Variants in CTSH observed in about 807,000 individuals in gnomAD.
CTSH encodes the protein pro-cathepsin H.
CTSH carries 52 observed loss-of-function variants against 56.3 expected under a neutral mutation model. The observed-to-expected ratio is 0.92, with a 90% CI of 0.74 to 1.16. The LOEUF (loss-of-function observed/expected upper bound fraction) is 1.16, where lower values mean the gene tolerates loss of function less well. Among genes scored for constraint, CTSH ranks in the 50% most tolerant of loss-of-function variants. CTSH has a pLI of 0.00. For synonymous variants in CTSH, 174 were observed against 155.7 expected, an observed-to-expected ratio of 1.12 and a Z score of -0.88; for missense variants, 406 against 424.5, an observed-to-expected ratio of 0.96 and a Z score of 0.38.
At chr15:78,943,216 A>G (rs989891054) in intron 1 of CTSH, among the ~76,000 whole-genome samples, 3 of 151,978 alleles carry the variant, frequency 2.0e-5, no homozygotes, top group Non-Finnish European at 4.4e-5. Context: ...CCTTGCCTGG[A>G]TTTACAGCAG....
intron 8 of CTSH, among the ~76,000 whole-genome samples, chr15:78,928,003 G>T (rs8039683): frequency 6.6e-6 from 1 of 152,276 alleles, no homozygotes; most frequent in South Asian, 2.1e-4. Flanking sequence ...CATGGTGTGT[G>T]GTGGGAGCCT....
In CTSH at chr15:78,943,854, A is replaced by T. The variant is rs73472318; in HGVS notation, c.91+1037T>A. On this transcript the variant is annotated intron_variant, in intron 1 of 11. Transcript: ENST00000220166. The stretch of plus-strand genomic sequence containing the variant: ...CTCTCAGCGCCAGCCTTCTCCAGGC[A>T]GCCCTCGCTTGCGGCAGCTAGGTTT... Among the ~76,000 whole-genome samples, 386 of 152,370 alleles carry T rather than the reference A, an allele frequency of 2.5e-3. 3 individuals carry two copies. Among genetic ancestry groups the T allele is most frequent in the African/African-American group, 9.0e-3 (374 of 41,588 alleles).
At chr15:78,931,545 A>G in intron 6 of CTSH, 39 bp from the exon 7 acceptor site, 1 of 1,614,062 alleles carries the variant, frequency 6.2e-7, no homozygotes, top group Non-Finnish European at 8.5e-7. Flanking sequence ...GCCAGCTGAG[A>G]AGCCGTCAAG....
Position 78,923,068 on chromosome 15 carries a change from A to G in CTSH, c.857T>C (p.Val286Ala). Reference protein sequence around the residue: ...PDKVNHAVLAVGYGEKNGIPY... With the variant: ...PDKVNHAVLAAGYGEKNGIPY... ...GATCCCATTTTTTTCTCCATACCCA[A>G]CAGCCAGTACTGCATGGTTTACTTT... Residue 286 changes from valine (V) to alanine (A), a missense_variant, in exon 11 of 12, where the codon GTT becomes GCT. Coordinates refer to ENST00000220166, the MANE Select transcript of CTSH (RefSeq NM_004390.5). The G allele has an allele frequency of 1.2e-6, 2 of 1,612,970 alleles. No individual in the cohort carries two copies. The highest frequency in any genetic ancestry group is 1.1e-5 in the South Asian group (1 of 90,912).
Position 78,936,625 on chromosome 15 carries a change from G to A in CTSH, c.229+693C>T, listed in dbSNP as rs560341568. On this transcript the variant is annotated intron_variant, in intron 3 of 11. Transcript: ENST00000220166. ...TCCTCAGAAAATACGCTGGACGTGCGTGTGAGTTTCTTTTTTTTTTTGAGA... is the reference window on the plus strand; with the variant it reads ...TCCTCAGAAAATACGCTGGACGTGCATGTGAGTTTCTTTTTTTTTTTGAGA... 6.6e-5 allele frequency among the ~76,000 whole-genome samples: 10 copies of A among 150,914 alleles called. No homozygotes were observed. The South Asian group carries it at 1.0e-3, about 16-fold the overall frequency.
chr15:78,929,246 T>C (rs1365761818), intron 8 of CTSH, among the ~76,000 whole-genome samples, 166 bp downstream of exon 8: 2 of 150,368 alleles, frequency 1.3e-5, no homozygotes, highest in Non-Finnish European at 3.0e-5. Flanking sequence ...AGCAGTGGGC[T>C]CAGGTGGGTG....
In CTSH at chr15:78,937,439, C is replaced by A; in HGVS notation, c.124-16G>T. ...TCTTACGGTGCTAAAACAAAACACG[C>A]CAGTAGCAAGTCATGGAAACAGGCT... On this transcript the variant is annotated splice_polypyrimidine_tract_variant and intron_variant, in intron 2 of 11. Coordinates refer to ENST00000220166, the MANE Select transcript of CTSH (RefSeq NM_004390.5). 4 of 1,604,898 alleles carry A rather than the reference C, an allele frequency of 2.5e-6. No individual in the cohort carries two copies. The highest frequency in any genetic ancestry group is 3.4e-6 in the Non-Finnish European group (4 of 1,172,530).
intron 5 of CTSH, among the ~76,000 whole-genome samples, chr15:78,934,351 T>A (rs1044382201): frequency 6.6e-6 from 1 of 152,182 alleles, no homozygotes; most frequent in Non-Finnish European, 1.5e-5. Context: ...CACGGCAGGT[T>A]CCCTGCTAGG....
chr15:78,930,706 C>T (rs890786428), intron 7 of CTSH, among the ~76,000 whole-genome samples: 1 of 152,078 alleles, frequency 6.6e-6, no homozygotes, highest in African/African-American at 2.4e-5. Context: ...GAGCAGGCTA[C>T]GACGTCACCC....
rs1227113230 is a variant in CTSH at position 78,924,065 on chromosome 15, G to GC, written c.807-948dup. 2.3e-5 allele frequency among the ~76,000 whole-genome samples: 3 copies of GC among 129,198 alleles called. No individual in the cohort carries two copies. The East Asian group carries it at 8.6e-4, about 37-fold the overall frequency. The allele number at this position is 129,198 out of a possible 152,430, so 84.8% of individuals were successfully genotyped here. ...GCTCTGACAGTGGGAGGGCGACAGA[G>GC]CCCCCAGGAGGTGGGGGGGATCCAA... is the stretch of plus-strand genomic sequence containing the variant. On this transcript the variant is annotated intron_variant, in intron 10 of 11. Coordinates refer to ENST00000220166, the MANE Select transcript of CTSH (RefSeq NM_004390.5).
Position 78,922,187 on chromosome 15 carries a change from G to A in CTSH, c.951C>T (p.Arg317=), listed in dbSNP as rs768717993. 7.0e-6 allele frequency: 11 copies of A among 1,581,884 alleles called. No homozygotes were observed. The highest frequency in any genetic ancestry group is 7.0e-5 in the South Asian group (6 of 86,314). ...CAGCCAGGCCACACATGTTCTTTCC[G>A]CGCTCGATGAGGAAGTACCTGGGCA... is the stretch of plus-strand genomic sequence containing the variant. ...WGMNGYFLIE[R]GKNMCGLAAC... is the part of the protein sequence containing the mutation. Residue 317 remains arginine, a synonymous_variant, in exon 12 of 12, where the codon CGC becomes CGT. Transcript: ENST00000220166.
At chr15:78,942,705 C>A (rs571442796) in intron 1 of CTSH, among the ~76,000 whole-genome samples, 2 of 152,240 alleles carry the variant, frequency 1.3e-5, no homozygotes, top group East Asian at 3.9e-4. Context: ...GAAAGAGGTT[C>A]CCCCTTGCCT....
At chr15:78,936,992 C>T (rs899878216) in intron 3 of CTSH, 2 of 282,520 alleles carry the variant, frequency 7.1e-6, no homozygotes, top group Non-Finnish European at 1.4e-5. Context: ...CTGCTCTGAG[C>T]CCATGAGCAA....
chr15:78,922,867 T>A, intron 11 of CTSH, 126 bp downstream of exon 11: 1 of 1,175,314 alleles, frequency 8.5e-7, no homozygotes, highest in Non-Finnish European at 1.2e-6. Flanking sequence ...CCCCCTGGCC[T>A]GGCCTAGGGC....
rs184079070 is a variant in CTSH, at chr15:78,931,940, C to G, written c.492+432G>C. The G allele has an allele frequency of 5.1e-6, 6 of 1,175,640 alleles. No homozygotes were observed. In the Admixed American group the frequency reaches 1.9e-4, roughly 37 times the overall value. The allele number at this position is 1,175,640 out of a possible 1,614,324, so 72.8% of individuals were successfully genotyped here. On this transcript the variant is annotated intron_variant, in intron 6 of 11. Transcript: ENST00000220166. ...ACTGTCCCTCCTTTCTCCACAGAGGCAGGGGCTAGGATAGTTCCTTCAGGG... is the reference window on the plus strand; with the variant it reads ...ACTGTCCCTCCTTTCTCCACAGAGGGAGGGGCTAGGATAGTTCCTTCAGGG...
chr15:78,933,383 G>A, intron 5 of CTSH: 1 of 320,698 alleles, frequency 3.1e-6, no homozygotes, highest in Non-Finnish European at 6.6e-6. Context: ...GCACAATGCT[G>A]GTGGCTGCTG....
At chr15:78,931,382 C>T in intron 7 of CTSH, 69 bp downstream of exon 7, 1 of 1,598,076 alleles carries the variant, frequency 6.3e-7, no homozygotes, top group Non-Finnish European at 8.6e-7. Flanking sequence ...ACCCAGCACA[C>T]ACTGGATCCT....
chr15:78,925,282 C>A, intron 10 of CTSH, 52 bp downstream of exon 10: 1 of 1,171,930 alleles, frequency 8.5e-7, no homozygotes, highest in Non-Finnish European at 1.3e-6. Flanking sequence ...TGTGAGGAGG[C>A]CCACCAAGCC....
chr15:78,940,578 C>A (rs181185887), intron 1 of CTSH, among the ~76,000 whole-genome samples: 124 of 150,928 alleles, frequency 8.2e-4, no homozygotes, highest in African/African-American at 2.9e-3. Context: ...ATTGTTATAT[C>A]ATTCTTTTAA....
Sources: gnomAD v4.1 joint callset for allele counts (sites outside exome capture counted in the v4.1 genomes callset) on GRCh38, gnomAD v4.1.1 for gene constraint, MANE v1.5 for transcripts, NCBI Gene and HGNC (gene_info 2026-07-23, HGNC 2026-07-21) for gene names.